ZNF676: variants seen among roughly 807,000 people sequenced by gnomAD.
The protein encoded by ZNF676 is zinc finger protein 676.
In ZNF676, 4 loss-of-function variants were observed where a neutral mutation model predicts 6.0. The ratio of observed to expected loss-of-function variants is 0.67; its 90% CI spans 0.33 to 1.53. The LOEUF is 1.53. ZNF676 is among the 40% of genes most tolerant of loss of function. The pLI is 0.06. For missense variants in ZNF676, 644 were observed against 679.7 expected (o/e 0.95, Z 0.58); for synonymous variants, 198 against 223.1 (o/e 0.89, Z 1.00).
chr19:22,214,105 C>T (rs281182), intron 1 of ZNF676, among the ~76,000 whole-genome samples: 65,184 of 151,992 alleles, frequency 0.43, 14,944 homozygotes, highest in African/African-American at 0.59. Context: ...GGAGGGGAAA[C>T]TGGCATTTGG....
the ZNF676 span, among the ~76,000 whole-genome samples, chr19:22,226,526 G>T: frequency 1.3e-5 from 2 of 151,754 alleles, no homozygotes; most frequent in Non-Finnish European, 2.9e-5. Context: ...TCTTGAGCAA[G>T]AATATGTTAA....
At chr19:22,182,116 C>A (rs751020294) in intron 2 of ZNF676, among the ~76,000 whole-genome samples, 4 of 152,056 alleles carry the variant, frequency 2.6e-5, no homozygotes, top group Non-Finnish European at 5.9e-5. Context: ...CAGAGCACTG[C>A]AGTGCCACAG....
chr19:22,241,671 C>G, the ZNF676 span, among the ~76,000 whole-genome samples: 3 of 151,712 alleles, frequency 2.0e-5, no homozygotes, highest in Non-Finnish European at 4.4e-5. Context: ...AGAATTTGCT[C>G]TGAGACCTCC....
chr19:22,190,630 C>CATATATATATATATAT lies in ZNF676; in HGVS notation c.130+2370_130+2385dup, dbSNP rs74174059. On this transcript the variant is annotated intron_variant, in intron 2 of 2. Transcript: ENST00000397121. ...ATTAGACTAATAAAATAGAATGCAA[C>CATATATATATATATAT]ATATATATATATATATATATATATA... Among the ~76,000 whole-genome samples the CATATATATATATATAT allele has an allele frequency of 1.7e-3, 111 of 66,792 alleles. 1 individual carries two copies. The highest frequency in any genetic ancestry group is 2.0e-3 in the Non-Finnish European group (64 of 32,448). 43.8% of individuals were successfully genotyped at this position (66,792 alleles called of 152,430 possible). A position where few individuals can be genotyped will look rare whatever the true frequency, so the allele number is the denominator to read the frequency against.
At chr19:22,217,121 C>T (rs1009321933), upstream of ZNF676, among the ~76,000 whole-genome samples, 3 of 152,028 alleles carry the variant, frequency 2.0e-5, no homozygotes, top group African/African-American at 4.8e-5. Flanking sequence ...GCACTCTACC[C>T]AATGTGTAGT....
intron 1 of ZNF676, among the ~76,000 whole-genome samples, chr19:22,212,209 AAAAAAG>A (rs919960490): frequency 6.6e-6 from 1 of 151,162 alleles, no homozygotes; most frequent in East Asian, 1.9e-4. Flanking sequence ...CAAAAAAAAA[AAAAAAG>A]AAAAGAAAAG....
chr19:22,198,469 G>A (rs114717365), upstream of ZNF676, among the ~76,000 whole-genome samples: 619 of 152,274 alleles, frequency 4.1e-3, 5 homozygotes, highest in African/African-American at 0.014. Flanking sequence ...GTTTCCTGGA[G>A]GAAGAATAGT....
intron 1 of ZNF676, among the ~76,000 whole-genome samples, chr19:22,210,423 T>A (rs1235900186): frequency 6.6e-6 from 1 of 152,120 alleles, no homozygotes; most frequent in Non-Finnish European, 1.5e-5. Flanking sequence ...CTTTTTGAAA[T>A]TCAGTAATCT....
In ZNF676 at chr19:22,205,247, T is replaced by C. The variant is rs142747935; in HGVS notation, c.4-8521A>G. On this transcript the variant is annotated intron_variant, in intron 1 of 3. Coordinates refer to the ZNF676 transcript ENST00000650058. ...CTCACAGGCACTAATGGAGAGATCA[T>C]TGAAGAAAATCAACAACAATATTAG... is the stretch of plus-strand genomic sequence containing the variant. Among the ~76,000 whole-genome samples the C allele has an allele frequency of 3.1e-3, 472 of 152,256 alleles. 1 individual carries two copies. Among genetic ancestry groups the C allele is most frequent in the Non-Finnish European group, 5.8e-3 (396 of 67,998 alleles).
In ZNF676 at chr19:22,180,521, C is replaced by A; in HGVS notation, c.1196G>T (p.Gly399Val). 1 of 1,610,082 alleles carries A rather than the reference C, an allele frequency of 6.2e-7. No individual in the cohort carries two copies. The highest frequency in any genetic ancestry group is 1.7e-5 in the Admixed American group (1 of 59,476). Residue 399 changes from glycine to valine, a missense_variant, in exon 3 of 3, where the codon GGC becomes GTC. Gly to Val is a moderately radical substitution (Grantham distance 109). This residue lies in a region of ZNF676 where 306 missense variants were observed against 265.4 expected (regional missense o/e 1.15). Coordinates refer to ENST00000397121, the MANE Select transcript of ZNF676 (RefSeq NM_001001411.3). ...EEKPYKCEEC[G>V]KASNSSSKLM... Reference sequence around the variant, plus strand: ...CTTTGAGGATGAGTTGGAAGCTTTGCCACATTCTTCACATTTGTAGGGCTT... The same window carrying A: ...CTTTGAGGATGAGTTGGAAGCTTTGACACATTCTTCACATTTGTAGGGCTT...
At chr19:22,230,432 G>A in the ZNF676 span, among the ~76,000 whole-genome samples, 2 of 151,868 alleles carry the variant, frequency 1.3e-5, no homozygotes, top group African/African-American at 4.8e-5. Flanking sequence ...AACCATCATG[G>A]CACGTGTATA....
upstream of ZNF676, among the ~76,000 whole-genome samples, chr19:22,200,369 T>G (rs1246644744): frequency 6.6e-6 from 1 of 151,978 alleles, no homozygotes; most frequent in Non-Finnish European, 1.5e-5. Flanking sequence ...AACCACAATA[T>G]AAAGAAAGTG....
Position 22,180,336 on chromosome 19 carries a change from A to T in ZNF676, c.1381T>A (p.Ser461Thr), listed in dbSNP as rs1341918407. The change falls in exon 3 of 3, where the codon TCC becomes ACC. Residue 461 changes from serine (S) to threonine (T), a missense_variant. By Grantham distance (58) the Ser-to-Thr change is moderately conservative. Coordinates refer to ENST00000397121, the MANE Select transcript of ZNF676 (RefSeq NM_001001411.3). ...CEECGKAFTW[S>T]SSFTKHKRIH... ...CTCTTGTGTTTAGTAAAGCTTGAGG[A>T]CCAGGTGAAGGCTTTGCCACATTCT... 6.2e-7 allele frequency: 1 copy of T among 1,613,730 alleles called. No individual in the cohort carries two copies. Among genetic ancestry groups the T allele is most frequent in the African/African-American group, 1.3e-5 (1 of 74,812 alleles).
At chr19:22,230,807 C>T in the ZNF676 span, among the ~76,000 whole-genome samples, 8 of 151,744 alleles carry the variant, frequency 5.3e-5, no homozygotes, top group Admixed American at 6.6e-5. Flanking sequence ...CACAGGTGTC[C>T]GCCACCACAC....
the ZNF676 span, among the ~76,000 whole-genome samples, chr19:22,253,404 G>GTGTATATATATATATATATA: frequency 4.0e-4 from 39 of 97,004 alleles, no homozygotes; most frequent in South Asian, 2.5e-3. Flanking sequence ...ATGATAATGT[G>GTGTATATATATATATATATA]TATATATATA....
intron 2 of ZNF676, 51 bp from the exon 3 acceptor site, chr19:22,181,637 G>T: frequency 7.3e-7 from 1 of 1,373,610 alleles, no homozygotes; most frequent in Non-Finnish European, 9.6e-7. Context: ...ACTCAGATAA[G>T]TACAGTTTCC....
intron 1 of ZNF676, among the ~76,000 whole-genome samples, chr19:22,210,590 T>C (rs2024118685): frequency 6.6e-6 from 1 of 152,314 alleles, no homozygotes; most frequent in South Asian, 2.1e-4. Context: ...CAGCTAGGAT[T>C]AATAAAATTC....
chr19:22,233,204 C>T, the ZNF676 span, among the ~76,000 whole-genome samples: 3 of 152,038 alleles, frequency 2.0e-5, no homozygotes, highest in Non-Finnish European at 1.5e-5. Flanking sequence ...TAGTAGAGGC[C>T]GGGTTTCGCC....
the ZNF676 span, among the ~76,000 whole-genome samples, chr19:22,259,249 C>T: frequency 6.6e-6 from 1 of 152,132 alleles, no homozygotes; most frequent in Non-Finnish European, 1.5e-5. Context: ...AGATATGTCA[C>T]AATGCTCCCT....
Sources: allele counts gnomAD v4.1 joint callset (sites outside exome capture counted in the v4.1 genomes callset), GRCh38; gene constraint gnomAD v4.1.1; regional missense constraint gnomAD v4.1.1; transcripts MANE v1.5; gene names NCBI Gene and HGNC (gene_info 2026-07-23, HGNC 2026-07-21).